CORIN: variants seen among roughly 807,000 people sequenced by gnomAD.
The protein encoded by CORIN is corin, serine peptidase, also known as atrial natriuretic peptide-converting enzyme.
A neutral mutation model predicts 125.3 loss-of-function variants in CORIN; 117 were observed. The observed-to-expected ratio is 0.93, with a 90% CI of 0.80 to 1.09. The LOEUF (loss-of-function observed/expected upper bound fraction) is 1.09, where lower values mean the gene tolerates loss of function less well. Ranked by LOEUF, CORIN falls within the 50% of genes least tolerant of loss-of-function variation. CORIN has a pLI of 0.00. For missense variants in CORIN, 1,253 were observed against 1,306.7 expected (o/e 0.96, Z 0.63); for synonymous variants, 450 against 466.4 (o/e 0.96, Z 0.45).
intron 16 of CORIN, among the ~76,000 whole-genome samples, chr4:47,640,982 G>C (rs533052353): frequency 3.9e-5 from 6 of 152,118 alleles, no homozygotes; most frequent in Non-Finnish European, 8.8e-5. Context: ...CTCTCACAAA[G>C]TTTAAAATTC....
intron 21 of CORIN, among the ~76,000 whole-genome samples, chr4:47,596,830 TTC>T (rs1721269513): frequency 6.6e-6 from 1 of 152,356 alleles, no homozygotes; most frequent in Admixed American, 6.5e-5. Context: ...CCTGATCCTC[TTC>T]TAAACATTTT....
At chr4:47,804,993 G>A (rs758375210) in intron 2 of CORIN, among the ~76,000 whole-genome samples, 27 of 151,324 alleles carry the variant, frequency 1.8e-4, no homozygotes, top group East Asian at 1.4e-3. Context: ...AAGAATAGCC[G>A]GGCGTGGTGG....
intron 3 of CORIN, among the ~76,000 whole-genome samples, chr4:47,780,099 ATAGAT>A (rs927917157): frequency 1.3e-5 from 2 of 152,208 alleles, no homozygotes; most frequent in African/African-American, 4.8e-5. Context: ...CATTATAACA[ATAGAT>A]TAGAATTAAG....
intron 10 of CORIN, among the ~76,000 whole-genome samples, chr4:47,667,736 G>A (rs1410942111): frequency 6.6e-6 from 1 of 152,190 alleles, no homozygotes; most frequent in African/African-American, 2.4e-5. Flanking sequence ...TGAAAGGCTG[G>A]CATAATCTTG....
intron 4 of CORIN, 85 bp downstream of exon 4, chr4:47,763,294 G>T: frequency 1.0e-6 from 1 of 999,726 alleles, no homozygotes; most frequent in Non-Finnish European, 1.5e-6. Context: ...AAAATAAAAG[G>T]GAGTCATTTG....
At chr4:47,723,889 G>A (rs913413307) in intron 5 of CORIN, among the ~76,000 whole-genome samples, 13 of 151,514 alleles carry the variant, frequency 8.6e-5, no homozygotes, top group Non-Finnish European at 1.9e-4. Flanking sequence ...CCACCTACTA[G>A]GGAGGCTGAG....
chr4:47,595,829 G>A lies in CORIN; in HGVS notation c.3021C>T (p.Gly1007=), dbSNP rs763940690. ...CCAGGACTTTGGAAAAGCAGACGGAGCCCCATGAAGTTAATCCAAATAATG... is the reference window on the plus strand; with the variant it reads ...CCAGGACTTTGGAAAAGCAGACGGAACCCCATGAAGTTAATCCAAATAATG... ...RWTLFGLTSW[G]SVCFSKVLGP... is the part of the protein sequence containing the mutation. Residue 1007 remains glycine, a synonymous_variant, in exon 22 of 22, where the codon GGC becomes GGT. Transcript: ENST00000273857. 3.8e-5 allele frequency: 61 copies of A among 1,613,674 alleles called. 1 individual carries two copies. In the East Asian group the frequency reaches 1.3e-3, roughly 35 times the overall value.
rs777099502 is a variant in CORIN, at chr4:47,623,686, G to T, written c.2425C>A (p.Arg809Ser). ...CACTGCCATGGCCACCTTCCAGGGC[G>T]ACTCGTCCGACCTCCAAGGATCCTT... ...NKRILGGRTSRPGRWPWQCSL... is the reference protein window; with the variant it reads ...NKRILGGRTSSPGRWPWQCSL... Residue 809 changes from arginine to serine, a missense_variant, in exon 19 of 22, where the codon CGC becomes AGC. By Grantham distance (110) the Arg-to-Ser change is moderately radical (BLOSUM62 -1). Coordinates refer to ENST00000273857, the MANE Select transcript of CORIN (RefSeq NM_006587.4). The T allele has an allele frequency of 1.2e-6, 2 of 1,614,190 alleles. No individual in the cohort carries two copies. The highest frequency in any genetic ancestry group is 1.1e-5 in the South Asian group (1 of 91,086).
chr4:47,727,301 A>G (rs747872793), intron 5 of CORIN, among the ~76,000 whole-genome samples: 2 of 152,094 alleles, frequency 1.3e-5, no homozygotes, highest in African/African-American at 4.8e-5. Context: ...AAGCACTACC[A>G]TCTAGAAGAA....
chr4:47,639,190 G>T (rs1723142775), intron 16 of CORIN, among the ~76,000 whole-genome samples: 1 of 152,170 alleles, frequency 6.6e-6, no homozygotes, highest in Non-Finnish European at 1.5e-5. Context: ...AATGTTTACT[G>T]AATGAACGGA....
intron 2 of CORIN, among the ~76,000 whole-genome samples, chr4:47,794,969 T>C (rs1731229757): frequency 6.6e-6 from 1 of 152,148 alleles, no homozygotes; most frequent in Admixed American, 6.6e-5. Context: ...TTTGGTATGA[T>C]GGTATAAGAT....
rs983038758 is a variant in CORIN at position 47,773,796 on chromosome 4, T to C, written c.410-10210A>G. Among the ~76,000 whole-genome samples the C allele has an allele frequency of 7.2e-5, 11 of 151,830 alleles. 1 individual carries two copies. Among genetic ancestry groups the C allele is most frequent in the South Asian group, 6.2e-4 (3 of 4,828 alleles). ...AAATATACCTTCTAGGTATATTTAG[T>C]ATATAAATGTATACCTAGGTATATA... On this transcript the variant is annotated intron_variant, in intron 3 of 21. Coordinates refer to ENST00000273857, the MANE Select transcript of CORIN (RefSeq NM_006587.4).
At chr4:47,734,019 C>T (rs753952106) in intron 5 of CORIN, among the ~76,000 whole-genome samples, 15 of 151,986 alleles carry the variant, frequency 9.9e-5, no homozygotes, top group South Asian at 2.1e-4. Context: ...GCTGTAGCGG[C>T]GGGTATTAAT....
intron 21 of CORIN, among the ~76,000 whole-genome samples, chr4:47,597,267 C>T (rs533134778): frequency 6.6e-6 from 1 of 151,540 alleles, no homozygotes; most frequent in South Asian, 2.1e-4. Context: ...CAGGAGAATC[C>T]CTTGAACCCA....
At position 47,603,673 on chromosome 4, in the gene CORIN, A is replaced by C. The variant is rs753499811; in HGVS notation, c.2541-5T>G. On this transcript the variant is annotated splice_polypyrimidine_tract_variant and splice_region_variant and intron_variant, in intron 19 of 21. Coordinates refer to ENST00000273857, the MANE Select transcript of CORIN (RefSeq NM_006587.4). Reference sequence around the variant, plus strand: ...CAAACTGCAGCATTCTCTCTCCTAAAATTATAATTCAAGAGCTATTGGCAT... The same window carrying C: ...CAAACTGCAGCATTCTCTCTCCTAACATTATAATTCAAGAGCTATTGGCAT... 3.7e-6 allele frequency: 6 copies of C among 1,610,262 alleles called. No individual in the cohort carries two copies. The South Asian group carries it at 5.5e-5, about 15-fold the overall frequency.
At position 47,595,901 on chromosome 4, in the gene CORIN, A is replaced by G. The variant is rs746999938; in HGVS notation, c.2949T>C (p.Gly983=). The change falls in exon 22 of 22, where the codon GGT becomes GGC. Residue 983 remains glycine, a splice_region_variant and synonymous_variant. Transcript: ENST00000273857. ...YESGTVDSCM[G]DSGGPLVCEK... ...CACAAACAAGAGGCCCACCGCTGTCACCCTGCAATAAGTAACGATGGGAGT... is the reference window on the plus strand; with the variant it reads ...CACAAACAAGAGGCCCACCGCTGTCGCCCTGCAATAAGTAACGATGGGAGT... 2.5e-6 allele frequency: 4 copies of G among 1,606,836 alleles called. No individual in the cohort carries two copies. In the Admixed American group the frequency reaches 5.2e-5, roughly 21 times the overall value.
chr4:47,693,103 A>G lies in CORIN; in HGVS notation c.800-20T>C, dbSNP rs748035579. The G allele has an allele frequency of 2.7e-6, 4 of 1,485,280 alleles. No individual in the cohort carries two copies. Among genetic ancestry groups the G allele is most frequent in the Non-Finnish European group, 3.8e-6 (4 of 1,063,572 alleles). 92.0% of individuals were successfully genotyped at this position (1,485,280 alleles called of 1,614,324 possible). Reference sequence around the variant, plus strand: ...AGAGCACTAAAAAAAAAGGGCAGGAAATAATGTCAGAATAAGATGGGTTTT... The same window carrying G: ...AGAGCACTAAAAAAAAAGGGCAGGAGATAATGTCAGAATAAGATGGGTTTT... On this transcript the variant is annotated intron_variant, in intron 5 of 21. Coordinates refer to ENST00000273857, the MANE Select transcript of CORIN (RefSeq NM_006587.4).
At chr4:47,638,896 C>A (rs953843128) in intron 16 of CORIN, among the ~76,000 whole-genome samples, 1 of 152,174 alleles carries the variant, frequency 6.6e-6, no homozygotes, top group Non-Finnish European at 1.5e-5. Context: ...AACTCTAAAT[C>A]TTCTCATCTA....
At chr4:47,738,023 C>T (rs575645231) in intron 5 of CORIN, among the ~76,000 whole-genome samples, 83 of 152,078 alleles carry the variant, frequency 5.5e-4, no homozygotes, top group African/African-American at 1.9e-3. Flanking sequence ...AATCGATTAA[C>T]ACTGTAACTG....
Sources: allele counts gnomAD v4.1 joint callset (sites outside exome capture counted in the v4.1 genomes callset), GRCh38; gene constraint gnomAD v4.1.1; transcripts MANE v1.5; gene names NCBI Gene and HGNC (gene_info 2026-07-23, HGNC 2026-07-21).